Variants in TAPT1 observed in about 807,000 individuals in gnomAD.
TAPT1 encodes the protein transmembrane anterior posterior transformation protein 1 homolog.
In TAPT1, 28 loss-of-function variants were observed where a neutral mutation model predicts 65.6. That is an observed-to-expected ratio of 0.43 (90% CI 0.32 to 0.59). TAPT1 has a LOEUF of 0.59. Among genes scored for constraint, TAPT1 ranks in the 20% least tolerant of loss-of-function variants. The pLI, the probability that TAPT1 is intolerant of heterozygous loss-of-function variation, is 0.09. For missense variants in TAPT1, 563 were observed against 679.9 expected (o/e 0.83, Z 1.91); for synonymous variants, 278 against 245.2 (o/e 1.13, Z -1.25).
intron 5 of TAPT1, 117 bp downstream of exon 5, chr4:16,188,103 A>C: frequency 1.2e-6 from 1 of 831,680 alleles, no homozygotes; most frequent in Non-Finnish European, 1.8e-6. Context: ...TTTCACATTA[A>C]TCTTCAGGAT....
At chr4:16,209,372 T>C (rs1750529862) in intron 2 of TAPT1, among the ~76,000 whole-genome samples, 1 of 152,248 alleles carries the variant, frequency 6.6e-6, no homozygotes, top group Admixed American at 6.5e-5. Flanking sequence ...GTCTTATCTC[T>C]GTATTTTGCA....
At chr4:16,186,478 GA>G in intron 7 of TAPT1, 56 bp downstream of exon 7, 1 of 1,192,194 alleles carries the variant, frequency 8.4e-7, no homozygotes, top group South Asian at 1.4e-5. Flanking sequence ...TAGGATTTCA[GA>G]ATGAACTGCA....
At chr4:16,164,071 C>T (rs1317500093) in intron 13 of TAPT1, among the ~76,000 whole-genome samples, 1 of 152,164 alleles carries the variant, frequency 6.6e-6, no homozygotes, top group Non-Finnish European at 1.5e-5. Context: ...GATCCTGGAG[C>T]CTGGCTTTGG....
intron 13 of TAPT1, among the ~76,000 whole-genome samples, chr4:16,164,379 C>T (rs1747442794): frequency 6.6e-6 from 1 of 152,130 alleles, no homozygotes; most frequent in South Asian, 2.1e-4. Context: ...CCCCCTCCCT[C>T]TCTTTAGCTT....
chr4:16,224,194 G>A (rs1356638542), intron 1 of TAPT1, among the ~76,000 whole-genome samples: 1 of 152,154 alleles, frequency 6.6e-6, no homozygotes, highest in African/African-American at 2.4e-5. Flanking sequence ...GCCACTCAAA[G>A]GCCCTCTGAC....
At position 16,161,157 on chromosome 4, in the gene TAPT1, C is replaced by T. The variant is rs1747222551; in HGVS notation, c.*2151G>A. On this transcript the variant is annotated 3_prime_UTR_variant, in exon 14 of 14. Coordinates refer to ENST00000405303, the MANE Select transcript of TAPT1 (RefSeq NM_153365.3). ...CCAAAGACAAAATTAAACATTTTGC[C>T]ACCATTAAGACCAAAGCAATAATTC... The T allele has an allele frequency of 1.3e-5, 2 of 152,550 alleles. No homozygotes were observed. The highest frequency in any genetic ancestry group is 2.9e-5 in the Non-Finnish European group (2 of 68,024). 9.4% of individuals were successfully genotyped at this position (152,550 alleles called of 1,614,324 possible).
intron 3 of TAPT1, among the ~76,000 whole-genome samples, chr4:16,200,714 T>C (rs546647371): frequency 3.0e-4 from 45 of 152,342 alleles, no homozygotes; most frequent in Non-Finnish European, 5.6e-4. Flanking sequence ...AATAAAGATG[T>C]ATATTTGGTA....
At position 16,179,565 on chromosome 4, in the gene TAPT1, AG is replaced by A; in HGVS notation, c.997+11del. On this transcript the variant is annotated intron_variant, in intron 8 of 13. Coordinates refer to ENST00000405303, the MANE Select transcript of TAPT1 (RefSeq NM_153365.3). ...AAAATTATAAGACACTGTTTTGTTA[AG>A]AGTGAGTTACCTGGATTCCAAGAAA... 1 of 1,487,804 alleles carries A rather than the reference AG, an allele frequency of 6.7e-7. No homozygotes were observed. The highest frequency in any genetic ancestry group is 1.4e-5 in the African/African-American group (1 of 70,368). The allele number at this position is 1,487,804 out of a possible 1,614,324, so 92.2% of individuals were successfully genotyped here.
intron 1 of TAPT1, among the ~76,000 whole-genome samples, chr4:16,215,727 T>C (rs139592524): frequency 3.2e-4 from 49 of 152,330 alleles, no homozygotes; most frequent in African/African-American, 1.1e-3. Flanking sequence ...AACTCTATTG[T>C]ATAAATTAAC....
chr4:16,178,032 A>G (rs1382032930), intron 8 of TAPT1, among the ~76,000 whole-genome samples: 2 of 152,164 alleles, frequency 1.3e-5, no homozygotes, highest in Non-Finnish European at 2.9e-5. Flanking sequence ...CATAAAGACT[A>G]TTTGTCTTTT....
chr4:16,185,368 TA>T (rs1748947985), intron 7 of TAPT1, among the ~76,000 whole-genome samples: 1 of 150,228 alleles, frequency 6.7e-6, no homozygotes, highest in South Asian at 2.1e-4. Flanking sequence ...GGAATCATCG[TA>T]ATTTTTTTTT....
At chr4:16,164,917 T>A (rs1005624643) in intron 13 of TAPT1, among the ~76,000 whole-genome samples, 7 of 152,234 alleles carry the variant, frequency 4.6e-5, no homozygotes, top group African/African-American at 1.7e-4. Context: ...GTACAGATGA[T>A]GAGCACAGAC....
chr4:16,163,300 C>A lies in TAPT1; in HGVS notation c.*8G>T, dbSNP rs759390387. 3 of 1,610,484 alleles carry A rather than the reference C, an allele frequency of 1.9e-6. No individual in the cohort carries two copies. Among genetic ancestry groups the A allele is most frequent in the Non-Finnish European group, 2.5e-6 (3 of 1,176,658 alleles). On this transcript the variant is annotated 3_prime_UTR_variant, in exon 14 of 14. Coordinates refer to ENST00000405303, the MANE Select transcript of TAPT1 (RefSeq NM_153365.3). ...GACCCAGCTTCTTCAGCGCATGAAG[C>A]CACAGATTCAGTCAATTCGGTTTCC...
intron 4 of TAPT1, among the ~76,000 whole-genome samples, chr4:16,189,459 A>G (rs1009149065): frequency 2.0e-5 from 3 of 152,244 alleles, no homozygotes; most frequent in African/African-American, 4.8e-5. Flanking sequence ...TGCTGAATGA[A>G]TAACAGCTAC....
intron 3 of TAPT1, among the ~76,000 whole-genome samples, chr4:16,197,237 C>A (rs1019336962): frequency 2.6e-5 from 4 of 152,180 alleles, no homozygotes; most frequent in Non-Finnish European, 5.9e-5. Context: ...AGAGTTATGC[C>A]TAAAGCCGGG....
At chr4:16,205,862 A>C (rs1750312409) in intron 2 of TAPT1, among the ~76,000 whole-genome samples, 1 of 152,200 alleles carries the variant, frequency 6.6e-6, no homozygotes, top group African/African-American at 2.4e-5. Context: ...CTTAGGTTCC[A>C]AGGTATCCTT....
At chr4:16,168,725 T>C (rs904069768) in intron 12 of TAPT1, among the ~76,000 whole-genome samples, 1 of 152,242 alleles carries the variant, frequency 6.6e-6, no homozygotes, top group Non-Finnish European at 1.5e-5. Context: ...TTTCTAGTTG[T>C]TGTCTATTTG....
At chr4:16,186,697 G>A in intron 6 of TAPT1, 84 bp downstream of exon 6, 1 of 1,378,438 alleles carries the variant, frequency 7.3e-7, no homozygotes, top group Non-Finnish European at 1.0e-6. Flanking sequence ...ACAACATATA[G>A]AACAAAGAAT....
intron 2 of TAPT1, among the ~76,000 whole-genome samples, chr4:16,205,577 C>T (rs1578466547): frequency 6.6e-6 from 1 of 152,152 alleles, no homozygotes; most frequent in Admixed American, 6.5e-5. Context: ...GGTGAAGAGC[C>T]TGGGTCTGTA....
Sources: allele counts gnomAD v4.1 joint callset (sites outside exome capture counted in the v4.1 genomes callset), GRCh38; gene constraint gnomAD v4.1.1; transcripts MANE v1.5; gene names NCBI Gene and HGNC (gene_info 2026-07-23, HGNC 2026-07-21).